The following TMEM135 variants were observed in gnomAD, a reference collection of about 807,000 sequenced individuals.
TMEM135 encodes transmembrane protein 135, also known as peroxisomal membrane protein 52.
A neutral mutation model predicts 60.3 loss-of-function variants in TMEM135; 30 were observed. The observed-to-expected ratio is 0.50, with a 90% CI of 0.37 to 0.68. TMEM135 has a LOEUF of 0.68. Ranked by LOEUF, TMEM135 falls within the 30% of genes least tolerant of loss-of-function variation. The probability of loss-of-function intolerance (pLI) is 0.00; values close to 1 mark genes in which losing one functional copy is unlikely to be tolerated. For synonymous variants in TMEM135, 190 were observed against 186.7 expected (o/e 1.02, Z -0.14); for missense variants, 468 against 548.8 (o/e 0.85, Z 1.47).
At chr11:87,082,906 T>C (rs1396297522) in intron 3 of TMEM135, among the ~76,000 whole-genome samples, 2 of 152,194 alleles carry the variant, frequency 1.3e-5, no homozygotes, top group East Asian at 1.9e-4. Context: ...TTGCATTCAG[T>C]TGTATAATCA....
intron 5 of TMEM135, among the ~76,000 whole-genome samples, chr11:87,199,845 G>A (rs887653306): frequency 6.6e-6 from 1 of 152,178 alleles, no homozygotes; most frequent in Non-Finnish European, 1.5e-5. Flanking sequence ...CAGGAGAATT[G>A]CTTGACCCTG....
At chr11:87,201,897 A>C (rs2135331398) in intron 5 of TMEM135, among the ~76,000 whole-genome samples, 1 of 152,194 alleles carries the variant, frequency 6.6e-6, no homozygotes, top group Admixed American at 6.5e-5. Context: ...CTTATGATAA[A>C]GATTTAAACA....
chr11:87,288,597 T>A (rs2135427392), intron 6 of TMEM135, among the ~76,000 whole-genome samples: 1 of 152,326 alleles, frequency 6.6e-6, no homozygotes, highest in East Asian at 1.9e-4. Context: ...TACCATTAAC[T>A]AAAATGATGA....
intron 6 of TMEM135, among the ~76,000 whole-genome samples, chr11:87,256,461 A>C (rs1941530509): frequency 6.6e-6 from 1 of 152,184 alleles, no homozygotes; most frequent in African/African-American, 2.4e-5. Flanking sequence ...GTTTACTTAA[A>C]TTATGTTGTA....
intron 4 of TMEM135, among the ~76,000 whole-genome samples, chr11:87,131,930 C>G (rs575152756): frequency 6.6e-6 from 1 of 151,948 alleles, no homozygotes; most frequent in Non-Finnish European, 1.5e-5. Context: ...CTCATAGGAG[C>G]GAACTCTTTT....
intron 1 of TMEM135, among the ~76,000 whole-genome samples, chr11:87,066,692 T>A (rs978767699): frequency 2.0e-5 from 3 of 151,686 alleles, no homozygotes; most frequent in Non-Finnish European, 4.4e-5. Context: ...AGTCCTATGA[T>A]AAACTTCTGC....
chr11:87,143,964 T>A (rs1332984210), intron 4 of TMEM135, among the ~76,000 whole-genome samples: 1 of 152,232 alleles, frequency 6.6e-6, no homozygotes, highest in Non-Finnish European at 1.5e-5. Context: ...CGCATTTTGT[T>A]GTTCTTCCAA....
chr11:87,319,400 TA>T, intron 14 of TMEM135, 23 bp downstream of exon 14: 3 of 1,542,580 alleles, frequency 1.9e-6, no homozygotes, highest in Non-Finnish European at 2.7e-6. Flanking sequence ...GTAGTTTTCT[TA>T]AAAATATTAT....
At chr11:87,177,932 A>T (rs1437481938) in intron 5 of TMEM135, among the ~76,000 whole-genome samples, 1 of 152,162 alleles carries the variant, frequency 6.6e-6, no homozygotes, top group Non-Finnish European at 1.5e-5. Flanking sequence ...TAGTTTTATT[A>T]TAAAGGGTAC....
chr11:87,052,989 A>C (rs1343669028), intron 1 of TMEM135, among the ~76,000 whole-genome samples: 1 of 120,554 alleles, frequency 8.3e-6, no homozygotes, highest in East Asian at 2.7e-4. Context: ...CAGCCATAAA[A>C]AATGATGAGT....
In TMEM135 at chr11:87,323,611, C is replaced by T. The variant is rs1193485944; in HGVS notation, c.*2278C>T. ...ATTACAGTAAACAATAATATGTCCC[C>T]TTAGTCTTTCTGACATTTTTATATA... On this transcript the variant is annotated 3_prime_UTR_variant, in exon 15 of 15. Coordinates refer to ENST00000305494, the MANE Select transcript of TMEM135 (RefSeq NM_022918.4). 2.2e-6 allele frequency: 1 copy of T among 453,708 alleles called. No homozygotes were observed. Among genetic ancestry groups the T allele is most frequent in the Non-Finnish European group, 4.4e-6 (1 of 226,732 alleles). 28.1% of individuals were successfully genotyped at this position (453,708 alleles called of 1,614,324 possible).
At chr11:87,248,363 G>T (rs1217829567) in intron 6 of TMEM135, among the ~76,000 whole-genome samples, 1 of 152,158 alleles carries the variant, frequency 6.6e-6, no homozygotes, top group East Asian at 1.9e-4. Context: ...CACAGCATTT[G>T]TTATTGCTTG....
intron 8 of TMEM135, 97 bp downstream of exon 8, chr11:87,302,539 GA>G: frequency 6.8e-7 from 1 of 1,480,700 alleles, no homozygotes; most frequent in Non-Finnish European, 9.4e-7. Context: ...TTCAGGTAAT[GA>G]TGATCATTTT....
intron 5 of TMEM135, among the ~76,000 whole-genome samples, chr11:87,234,890 G>T (rs1023253812): frequency 6.6e-6 from 1 of 151,974 alleles, no homozygotes; most frequent in Non-Finnish European, 1.5e-5. Context: ...ACATTTTGAG[G>T]GAAGGCAGAC....
intron 4 of TMEM135, among the ~76,000 whole-genome samples, chr11:87,102,406 T>C (rs1277102087): frequency 6.6e-6 from 1 of 152,104 alleles, no homozygotes; most frequent in Non-Finnish European, 1.5e-5. Flanking sequence ...TGGCAAGATA[T>C]GGGAAAAGTC....
intron 4 of TMEM135, among the ~76,000 whole-genome samples, chr11:87,150,812 A>G (rs559661278): frequency 1.3e-5 from 2 of 152,126 alleles, no homozygotes; most frequent in African/African-American, 4.8e-5. Flanking sequence ...TGACTGCTTG[A>G]GACTTCCGTT....
At chr11:87,140,359 G>A (rs371937124) in intron 4 of TMEM135, among the ~76,000 whole-genome samples, 3 of 152,144 alleles carry the variant, frequency 2.0e-5, no homozygotes, top group South Asian at 4.1e-4. Context: ...GAGCCACCAC[G>A]CCCAGCTGCT....
At chr11:87,180,691 A>G (rs1939492939) in intron 5 of TMEM135, among the ~76,000 whole-genome samples, 1 of 152,228 alleles carries the variant, frequency 6.6e-6, no homozygotes, top group African/African-American at 2.4e-5. Flanking sequence ...ATATCACTAA[A>G]AAGACTTGGG....
chr11:87,164,345 T>C (rs1429001402), intron 5 of TMEM135, among the ~76,000 whole-genome samples: 1 of 105,802 alleles, frequency 9.5e-6, no homozygotes. Context: ...GATCAGATAG[T>C]TGTAGATATG....
Sources: gnomAD v4.1 joint callset for allele counts (sites outside exome capture counted in the v4.1 genomes callset) on GRCh38, gnomAD v4.1.1 for gene constraint, MANE v1.5 for transcripts, NCBI Gene and HGNC (gene_info 2026-07-23, HGNC 2026-07-21) for gene names.